Variants in CBFA2T3 observed in about 807,000 individuals in gnomAD.
The protein encoded by CBFA2T3 is transcriptional corepressor CBFA2T3.
Under a neutral mutation model 58.6 loss-of-function variants are expected in CBFA2T3, and 31 were observed. The observed-to-expected ratio is 0.53, with a 90% CI of 0.40 to 0.71. CBFA2T3 has a LOEUF of 0.71. Among genes scored for constraint, CBFA2T3 ranks in the 30% least tolerant of loss-of-function variants. The pLI is 0.00. For missense variants in CBFA2T3, 1,076 were observed against 963.1 expected, an observed-to-expected ratio of 1.12 and a Z score of -1.55; for synonymous variants, 531 against 421.9, an observed-to-expected ratio of 1.26 and a Z score of -3.17.
intron 1 of CBFA2T3, among the ~76,000 whole-genome samples, chr16:88,968,472 G>A (rs778682840): frequency 3.0e-4 from 45 of 152,364 alleles, no homozygotes; most frequent in Middle Eastern, 3.4e-3. Context: ...CCTCAGCTGC[G>A]TCTCAGGAGG....
intron 1 of CBFA2T3, among the ~76,000 whole-genome samples, chr16:88,909,901 G>A (rs1970473527): frequency 6.6e-6 from 1 of 152,254 alleles, no homozygotes; most frequent in Non-Finnish European, 1.5e-5. Flanking sequence ...GTAAACCCAG[G>A]CCAAGGTAAA....
chr16:88,903,124 A>G (rs1008610019), intron 1 of CBFA2T3, among the ~76,000 whole-genome samples: 1 of 152,162 alleles, frequency 6.6e-6, no homozygotes, highest in Non-Finnish European at 1.5e-5. Flanking sequence ...CCCCAGCACC[A>G]TCGTCAGACG....
At chr16:88,927,548 G>A (rs1045608254) in intron 1 of CBFA2T3, among the ~76,000 whole-genome samples, 9 of 152,202 alleles carry the variant, frequency 5.9e-5, no homozygotes, top group Non-Finnish European at 1.3e-4. Flanking sequence ...GGGAGACAGC[G>A]ACCCTGGCCA....
chr16:88,964,898 A>C (rs930410542), intron 1 of CBFA2T3, among the ~76,000 whole-genome samples: 1 of 141,582 alleles, frequency 7.1e-6, no homozygotes, highest in African/African-American at 2.7e-5. Context: ...TCCATCCACC[A>C]TCTATCCACT....
rs764903539 is a variant in CBFA2T3 at position 88,892,007 on chromosome 16, C to G, written c.622-36G>C. 3.2e-6 allele frequency: 5 copies of G among 1,555,736 alleles called. No individual in the cohort carries two copies. In the Middle Eastern group the frequency reaches 7.0e-4, roughly 218 times the overall value. The stretch of plus-strand genomic sequence containing the variant: ...GAAAACCCACCTCACATCAGCACCG[C>G]TCGGCATGTGAGCCAGCGCCGACCC... On this transcript the variant is annotated intron_variant, in intron 4 of 11. Transcript: ENST00000268679.
In CBFA2T3 at chr16:88,876,366, C is replaced by T. The variant is rs1968828997; in HGVS notation, c.*610G>A. On this transcript the variant is annotated 3_prime_UTR_variant, in exon 12 of 12. Coordinates refer to ENST00000268679, the MANE Select transcript of CBFA2T3 (RefSeq NM_005187.6). Reference sequence around the variant, plus strand: ...TTTCCTCCCGTCTTCGCTGATCAGCCTCACGCCCCTGGGGGAGGGGCACAG... The same window carrying T: ...TTTCCTCCCGTCTTCGCTGATCAGCTTCACGCCCCTGGGGGAGGGGCACAG... 4.4e-6 allele frequency: 1 copy of T among 229,478 alleles called. No individual in the cohort carries two copies. The highest frequency in any genetic ancestry group is 2.2e-5 in the African/African-American group (1 of 45,146). 14.2% of individuals were successfully genotyped at this position (229,478 alleles called of 1,614,324 possible). A position where few individuals can be genotyped will look rare whatever the true frequency, so the allele number is the denominator to read the frequency against.
rs552231614 is a variant in CBFA2T3, at chr16:88,921,355, G to A, written c.152-19699C>T. Among the ~76,000 whole-genome samples the A allele has an allele frequency of 7.9e-5, 12 of 152,334 alleles. No homozygotes were observed. The South Asian group carries it at 2.5e-3, about 32-fold the overall frequency. ...GATGGGCGGGGGGAGCAGGGAAGCC[G>A]AGCCGATCCTCCGTGCCACGCCGCC... On this transcript the variant is annotated intron_variant, in intron 1 of 11. Transcript: ENST00000268679.
intron 5 of CBFA2T3, among the ~76,000 whole-genome samples, 183 bp downstream of exon 5, chr16:88,891,699 C>T (rs768486271): frequency 8.5e-5 from 13 of 152,134 alleles, no homozygotes; most frequent in Admixed American, 2.0e-4. Flanking sequence ...CAGCAGTGCT[C>T]CCCTAGGGTA....
chr16:88,907,902 T>C (rs1970392981), intron 1 of CBFA2T3, among the ~76,000 whole-genome samples: 1 of 152,212 alleles, frequency 6.6e-6, no homozygotes, highest in South Asian at 2.1e-4. Flanking sequence ...GATGTTGGGT[T>C]TCCCTCTATG....
intron 1 of CBFA2T3, among the ~76,000 whole-genome samples, chr16:88,905,750 G>A (rs1334274045): frequency 2.8e-5 from 4 of 143,086 alleles, no homozygotes; most frequent in African/African-American, 5.4e-5. Flanking sequence ...CTGGAGGGGC[G>A]GGGCTGAAGG....
chr16:88,904,458 C>T (rs1970225857), intron 1 of CBFA2T3, among the ~76,000 whole-genome samples: 2 of 152,228 alleles, frequency 1.3e-5, no homozygotes, highest in African/African-American at 4.8e-5. Context: ...CTGGTGTTGC[C>T]CCCACAGGGC....
chr16:88,890,870 C>T (rs1807227), intron 5 of CBFA2T3, among the ~76,000 whole-genome samples: 40,203 of 152,126 alleles, frequency 0.26, 5,852 homozygotes, highest in East Asian at 0.5. Context: ...GTGCATACAA[C>T]GCTCAGCTAA....
intron 1 of CBFA2T3, among the ~76,000 whole-genome samples, chr16:88,970,864 C>G (rs1049589658): frequency 6.6e-6 from 1 of 152,134 alleles, no homozygotes; most frequent in Non-Finnish European, 1.5e-5. Flanking sequence ...ATGAGTAGTA[C>G]GTAAGGGGGC....
At chr16:88,882,347 C>T (rs201309952) in intron 8 of CBFA2T3, among the ~76,000 whole-genome samples, 2 of 145,700 alleles carry the variant, frequency 1.4e-5, no homozygotes, top group Non-Finnish European at 3.0e-5. Context: ...CATGGCTGTG[C>T]GTGGGTGTGG....
intron 1 of CBFA2T3, among the ~76,000 whole-genome samples, chr16:88,923,720 G>A (rs1340742614): frequency 6.6e-6 from 1 of 152,246 alleles, no homozygotes; most frequent in Non-Finnish European, 1.5e-5. Context: ...GTCAGGGTGG[G>A]AAGGCTCCGA....
chr16:88,921,725 G>T (rs1262926643), intron 1 of CBFA2T3, among the ~76,000 whole-genome samples: 8 of 152,240 alleles, frequency 5.3e-5, no homozygotes, highest in Admixed American at 5.2e-4. Flanking sequence ...CCTGTCAGCT[G>T]CCATTTCCTG....
intron 1 of CBFA2T3, among the ~76,000 whole-genome samples, chr16:88,925,086 C>T (rs1484451590): frequency 6.6e-6 from 1 of 152,238 alleles, no homozygotes; most frequent in Admixed American, 6.5e-5. Flanking sequence ...GAGGGACCCG[C>T]CCGGAATCAC....
At chr16:88,941,245 C>G (rs1229281651) in intron 1 of CBFA2T3, 1 of 885,580 alleles carries the variant, frequency 1.1e-6, no homozygotes, top group Non-Finnish European at 1.3e-6. Context: ...CGCGCGGGAA[C>G]AAAGCGCGCA....
intron 5 of CBFA2T3, among the ~76,000 whole-genome samples, chr16:88,888,018 C>A (rs1567581181): frequency 6.6e-6 from 1 of 152,190 alleles, no homozygotes; most frequent in African/African-American, 2.4e-5. Flanking sequence ...GTCATTTAAC[C>A]TCTCTGACCC....
Sources: allele counts gnomAD v4.1 joint callset (sites outside exome capture counted in the v4.1 genomes callset), GRCh38; gene constraint gnomAD v4.1.1; transcripts MANE v1.5; gene names NCBI Gene and HGNC (gene_info 2026-07-23, HGNC 2026-07-21).